The following PDLIM5 variants were observed in gnomAD, a reference collection of about 807,000 sequenced individuals.
The protein encoded by PDLIM5 is PDZ and LIM domain 5, also known as PDZ and LIM domain protein 5.
In PDLIM5, 34 loss-of-function variants were observed where a neutral mutation model predicts 64.2. The observed-to-expected ratio is 0.53, with a 90% CI of 0.40 to 0.71. PDLIM5 has a LOEUF of 0.71. Among genes scored for constraint, PDLIM5 ranks in the 30% least tolerant of loss-of-function variants. PDLIM5 has a pLI of 0.00. For missense variants in PDLIM5, 683 were observed against 733.6 expected (o/e 0.93, Z 0.80); for synonymous variants, 253 against 269.1 (o/e 0.94, Z 0.59).
At chr4:94,567,411 C>T (rs900472711) in intron 3 of PDLIM5, among the ~76,000 whole-genome samples, 2 of 151,646 alleles carry the variant, frequency 1.3e-5, no homozygotes, top group Non-Finnish European at 2.9e-5. Context: ...TTTTATCTAC[C>T]TGATTGAAGT....
chr4:94,569,049 G>A (rs991565548), intron 3 of PDLIM5, among the ~76,000 whole-genome samples: 5 of 151,988 alleles, frequency 3.3e-5, no homozygotes, highest in Admixed American at 2.0e-4. Context: ...TCCATGACAC[G>A]ATTCTATATA....
chr4:94,495,150 G>T (rs907064268), intron 2 of PDLIM5, among the ~76,000 whole-genome samples: 1 of 152,046 alleles, frequency 6.6e-6, no homozygotes. Flanking sequence ...ACCAAATCAG[G>T]TTTCCCGTCA....
At chr4:94,614,633 A>G (rs1738627994) in intron 7 of PDLIM5, among the ~76,000 whole-genome samples, 1 of 152,224 alleles carries the variant, frequency 6.6e-6, no homozygotes, top group South Asian at 2.1e-4. Context: ...CATAAATGGA[A>G]AAACTGCCTT....
At chr4:94,567,131 T>G (rs1380570694) in intron 3 of PDLIM5, among the ~76,000 whole-genome samples, 1 of 152,212 alleles carries the variant, frequency 6.6e-6, no homozygotes, top group African/African-American at 2.4e-5. Context: ...TAGCTGGGAC[T>G]ACAGGCGCCC....
In PDLIM5 at chr4:94,551,507, G is replaced by A. The variant is rs552098638; in HGVS notation, c.249-21844G>A. ...TTGAAGCAGATTACTGGGTTTCATCGTCAAAGATTTTTAATTCTAGAGACA... is the reference window on the plus strand; with the variant it reads ...TTGAAGCAGATTACTGGGTTTCATCATCAAAGATTTTTAATTCTAGAGACA... On this transcript the variant is annotated intron_variant, in intron 3 of 12. Transcript: ENST00000317968. Among the ~76,000 whole-genome samples, 90 of 152,180 alleles carry A rather than the reference G, an allele frequency of 5.9e-4. 1 individual carries two copies. In the Middle Eastern group the frequency reaches 0.014, roughly 23 times the overall value.
intron 2 of PDLIM5, among the ~76,000 whole-genome samples, chr4:94,513,920 T>C (rs1729121394): frequency 7.6e-6 from 1 of 132,238 alleles, no homozygotes; most frequent in African/African-American, 3.7e-5. Context: ...TTTTTGAGGG[T>C]TTATATCATG....
intron 3 of PDLIM5, among the ~76,000 whole-genome samples, chr4:94,534,079 T>C (rs1156395356): frequency 6.6e-6 from 1 of 152,166 alleles, no homozygotes; most frequent in Non-Finnish European, 1.5e-5. Context: ...GCAGGAAAGA[T>C]AGTGGCAGCA....
intron 8 of PDLIM5, among the ~76,000 whole-genome samples, chr4:94,619,247 A>G (rs1371479375): frequency 1.3e-5 from 2 of 152,068 alleles, no homozygotes; most frequent in Non-Finnish European, 2.9e-5. Flanking sequence ...GCTTTGATTC[A>G]TGACCTCTTC....
At chr4:94,530,195 C>T (rs1408418513) in intron 3 of PDLIM5, among the ~76,000 whole-genome samples, 1 of 152,010 alleles carries the variant, frequency 6.6e-6, no homozygotes, top group African/African-American at 2.4e-5. Flanking sequence ...TTCTAAATTC[C>T]CTTTTTGTAA....
chr4:94,539,906 T>C (rs865860616), intron 3 of PDLIM5, among the ~76,000 whole-genome samples: 28 of 152,222 alleles, frequency 1.8e-4, no homozygotes, highest in African/African-American at 5.8e-4. Flanking sequence ...AGGGTTCAGA[T>C]TATAAAATGT....
chr4:94,530,093 A>C (rs1231560560), intron 3 of PDLIM5, among the ~76,000 whole-genome samples: 1 of 152,214 alleles, frequency 6.6e-6, no homozygotes, highest in African/African-American at 2.4e-5. Context: ...GGACATAGAT[A>C]AACTTGTTAC....
At chr4:94,581,914 C>T (rs62316472) in intron 5 of PDLIM5, among the ~76,000 whole-genome samples, 1 of 152,152 alleles carries the variant, frequency 6.6e-6, no homozygotes, top group South Asian at 2.1e-4. Flanking sequence ...ATCAGACACG[C>T]CTTCTGGGCA....
rs1734672838 is a variant in PDLIM5, at chr4:94,569,983, C to G, written c.249-3368C>G. ...ATTGGTTCTCTGGCTTGACTTTTAT[C>G]TGGTTGATGAAAATTTCTTCTCAAA... On this transcript the variant is annotated intron_variant, in intron 3 of 12. Coordinates refer to ENST00000317968, the MANE Select transcript of PDLIM5 (RefSeq NM_006457.5). 3.3e-5 allele frequency among the ~76,000 whole-genome samples: 5 copies of G among 152,224 alleles called. 1 individual carries two copies. In the South Asian group the frequency reaches 1.0e-3, roughly 32 times the overall value.
chr4:94,529,767 T>C (rs1247529804), intron 3 of PDLIM5, among the ~76,000 whole-genome samples: 2 of 152,104 alleles, frequency 1.3e-5, no homozygotes, highest in Non-Finnish European at 2.9e-5. Flanking sequence ...AAAAAACATA[T>C]TTTTTTCCTG....
chr4:94,663,089 G>A (rs951338578), intron 12 of PDLIM5, among the ~76,000 whole-genome samples: 2 of 152,090 alleles, frequency 1.3e-5, no homozygotes, highest in African/African-American at 4.8e-5. Flanking sequence ...GATTAGGATG[G>A]ATTCAAATAT....
chr4:94,636,203 T>A (rs1336658229), intron 8 of PDLIM5, among the ~76,000 whole-genome samples: 1 of 152,170 alleles, frequency 6.6e-6, no homozygotes, highest in Non-Finnish European at 1.5e-5. Flanking sequence ...ATTACCACAC[T>A]CTTTTATTGC....
At chr4:94,658,555 A>G (rs1308351175) in intron 11 of PDLIM5, among the ~76,000 whole-genome samples, 6 of 152,194 alleles carry the variant, frequency 3.9e-5, no homozygotes, top group African/African-American at 9.6e-5. Flanking sequence ...TTTTATTGTT[A>G]TTCTACCTTG....
chr4:94,478,425 G>A (rs1450592951), intron 2 of PDLIM5, among the ~76,000 whole-genome samples: 4 of 151,990 alleles, frequency 2.6e-5, no homozygotes, highest in Non-Finnish European at 5.9e-5. Flanking sequence ...TGGGGATGGG[G>A]GTTGGCACAT....
At chr4:94,625,545 C>T (rs981160340) in intron 8 of PDLIM5, among the ~76,000 whole-genome samples, 6 of 151,838 alleles carry the variant, frequency 4.0e-5, no homozygotes, top group Non-Finnish European at 7.4e-5. Flanking sequence ...CTCCACCTCC[C>T]AGGTTCACGC....
Sources: allele counts gnomAD v4.1 joint callset (sites outside exome capture counted in the v4.1 genomes callset), GRCh38; gene constraint gnomAD v4.1.1; transcripts MANE v1.5; gene names NCBI Gene and HGNC (gene_info 2026-07-23, HGNC 2026-07-21).